The following INPP4B variants were observed in gnomAD, a reference collection of about 807,000 sequenced individuals.
The protein encoded by INPP4B is inositol polyphosphate 4-phosphatase type II.
A neutral mutation model predicts 122.5 loss-of-function variants in INPP4B; 55 were observed. That is an observed-to-expected ratio of 0.45 (90% CI 0.36 to 0.56). INPP4B has a LOEUF of 0.56. INPP4B is among the 20% of genes least tolerant of loss of function. The pLI is 0.00. For synonymous variants in INPP4B, 403 were observed against 388.7 expected, an observed-to-expected ratio of 1.04 and a Z score of -0.43; for missense variants, 1,000 against 1,097.7, an observed-to-expected ratio of 0.91 and a Z score of 1.26.
chr4:142,226,710 G>T (rs139235021), intron 12 of INPP4B, among the ~76,000 whole-genome samples: 51 of 152,272 alleles, frequency 3.3e-4, no homozygotes, highest in Non-Finnish European at 6.5e-4. Context: ...CATTATTATA[G>T]GAAAGAAACG....
At chr4:142,649,090 G>C (rs990054687) in intron 2 of INPP4B, among the ~76,000 whole-genome samples, 2 of 152,194 alleles carry the variant, frequency 1.3e-5, no homozygotes, top group Non-Finnish European at 2.9e-5. Context: ...GTCTGGAGTG[G>C]ACTTCCAGCA....
At chr4:142,807,498 A>G in intron 1 of INPP4B, among the ~76,000 whole-genome samples, 1 of 152,274 alleles carries the variant, frequency 6.6e-6, no homozygotes, top group South Asian at 2.1e-4. Context: ...AGTTTATGCT[A>G]CATAGTTTAG....
intron 14 of INPP4B, chr4:142,202,635 A>T (rs1841135567): frequency 2.1e-6 from 1 of 486,040 alleles, no homozygotes. Context: ...ACTCCTCCAT[A>T]GTTAACACAG....
In INPP4B at chr4:142,208,921, A is replaced by T; in HGVS notation, c.942T>A (p.Ile314=). ...CTGTTTCCTTGCTAAGTTCTGTCAG[A>T]ATGTCTTGGTACATATTCACCATTT... The part of the protein sequence containing the change: ...CDQMVNMYQD[I]LTELSKETGS... Residue 314 remains isoleucine, a synonymous_variant, in exon 13 of 26, where the codon ATT becomes ATA. Transcript: ENST00000262992. 1 of 1,575,322 alleles carries T rather than the reference A, an allele frequency of 6.3e-7. No homozygotes were observed. The highest frequency in any genetic ancestry group is 2.3e-5 in the East Asian group (1 of 44,162).
At chr4:142,537,429 T>TATATATAGAGAGAGAGAGAG (rs1200701380) in intron 2 of INPP4B, among the ~76,000 whole-genome samples, 3 of 25,484 alleles carry the variant, frequency 1.2e-4, no homozygotes, top group Non-Finnish European at 2.7e-4. Flanking sequence ...TATATATATA[T>TATATATAGAGAGAGAGAGAG]AGAGAGAGAG....
chr4:142,203,465 C>T (rs1841511812), intron 14 of INPP4B, among the ~76,000 whole-genome samples: 1 of 151,950 alleles, frequency 6.6e-6, no homozygotes, highest in Admixed American at 6.6e-5. Flanking sequence ...AACTGATGTG[C>T]TGTGAAAATA....
intron 1 of INPP4B, among the ~76,000 whole-genome samples, chr4:142,843,323 A>T (rs1308208760): frequency 6.6e-6 from 1 of 151,994 alleles, no homozygotes; most frequent in South Asian, 2.1e-4. Context: ...ATATGATTAG[A>T]GTATGCTCTA....
intron 2 of INPP4B, among the ~76,000 whole-genome samples, chr4:142,566,734 C>A (rs1731698175): frequency 6.6e-6 from 1 of 152,142 alleles, no homozygotes; most frequent in Non-Finnish European, 1.5e-5. Flanking sequence ...TCAGAAGTTT[C>A]TTTGGCCCAT....
intron 1 of INPP4B, among the ~76,000 whole-genome samples, chr4:142,842,904 T>C (rs1478964496): frequency 7.2e-6 from 1 of 139,728 alleles, no homozygotes; most frequent in African/African-American, 2.6e-5. Context: ...TATTTATATA[T>C]AATAATATAT....
intron 11 of INPP4B, among the ~76,000 whole-genome samples, chr4:142,255,197 G>A (rs959469113): frequency 6.6e-6 from 1 of 151,924 alleles, no homozygotes; most frequent in Non-Finnish European, 1.5e-5. Context: ...AAGAGCTCCT[G>A]AAGGAAGCGC....
chr4:142,599,530 T>A (rs1343179092), intron 2 of INPP4B, among the ~76,000 whole-genome samples: 2 of 152,132 alleles, frequency 1.3e-5, no homozygotes, highest in Admixed American at 6.6e-5. Flanking sequence ...CAGGAAAAAG[T>A]CTTCCTCTAT....
rs140184725 is a variant in INPP4B at position 142,813,538 on chromosome 4, C to A, written c.-254+32671G>T. Among the ~76,000 whole-genome samples the A allele has an allele frequency of 4.6e-5, 7 of 152,136 alleles. No individual in the cohort carries two copies. In the South Asian group the frequency reaches 1.5e-3, roughly 32 times the overall value. On this transcript the variant is annotated intron_variant, in intron 1 of 25. Coordinates refer to ENST00000262992, the MANE Select transcript of INPP4B (RefSeq NM_001101669.3). ...TGTTACTAAGAAATGGAATGATGTT[C>A]GGGGTTATTCAATGGAGCTTTGCTC...
intron 1 of INPP4B, among the ~76,000 whole-genome samples, chr4:142,839,972 C>CA (rs1250949001): frequency 7.9e-5 from 12 of 152,148 alleles, no homozygotes; most frequent in African/African-American, 2.9e-4. Context: ...GACACTTAAA[C>CA]AATACAGAGA....
intron 1 of INPP4B, among the ~76,000 whole-genome samples, chr4:142,790,468 T>C (rs1010263696): frequency 6.6e-6 from 1 of 152,108 alleles, no homozygotes; most frequent in South Asian, 2.1e-4. Flanking sequence ...GAAAAAATGT[T>C]CAACATCACT....
chr4:142,137,709 T>G (rs1324982598), intron 18 of INPP4B, among the ~76,000 whole-genome samples: 1 of 145,840 alleles, frequency 6.9e-6, no homozygotes, highest in East Asian at 2.0e-4. Context: ...AACAACCCCA[T>G]CAAAAAGTGG....
intron 7 of INPP4B, among the ~76,000 whole-genome samples, chr4:142,368,001 A>G (rs917545876): frequency 2.6e-5 from 4 of 152,152 alleles, no homozygotes; most frequent in African/African-American, 9.7e-5. Context: ...CCGTATTAAG[A>G]AACACAAACA....
chr4:142,652,076 C>T (rs1023127872), intron 2 of INPP4B, among the ~76,000 whole-genome samples: 2 of 152,300 alleles, frequency 1.3e-5, no homozygotes, highest in African/African-American at 4.8e-5. Flanking sequence ...ATACACAAAT[C>T]AATAAACGTA....
intron 8 of INPP4B, among the ~76,000 whole-genome samples, chr4:142,308,330 G>T (rs912098873): frequency 6.6e-6 from 1 of 152,182 alleles, no homozygotes; most frequent in Non-Finnish European, 1.5e-5. Context: ...GACAAGAGGA[G>T]TTATTATTTG....
At chr4:142,213,551 G>C (rs1041791520) in intron 12 of INPP4B, among the ~76,000 whole-genome samples, 3 of 152,140 alleles carry the variant, frequency 2.0e-5, no homozygotes, top group African/African-American at 7.2e-5. Context: ...TGTCCACCTG[G>C]TAGTAGAAAG....
Sources: allele counts gnomAD v4.1 joint callset (sites outside exome capture counted in the v4.1 genomes callset), GRCh38; gene constraint gnomAD v4.1.1; transcripts MANE v1.5; gene names NCBI Gene and HGNC (gene_info 2026-07-23, HGNC 2026-07-21).